Variants in COL23A1 observed in about 807,000 individuals in gnomAD.
The protein encoded by COL23A1 is collagen alpha-1(XXIII) chain.
A neutral mutation model predicts 99.3 loss-of-function variants in COL23A1; 97 were observed. That is an observed-to-expected ratio of 0.98 (90% CI 0.83 to 1.16). The LOEUF is 1.16. COL23A1 is among the 50% of genes most tolerant of loss of function. The pLI is 0.00. For synonymous variants in COL23A1, 320 were observed against 308.2 expected, an observed-to-expected ratio of 1.04 and a Z score of -0.40; for missense variants, 762 against 757.4, an observed-to-expected ratio of 1.01 and a Z score of -0.07.
At chr5:178,497,919 G>C (rs1758278333) in intron 2 of COL23A1, among the ~76,000 whole-genome samples, 1 of 151,832 alleles carries the variant, frequency 6.6e-6, no homozygotes, top group Non-Finnish European at 1.5e-5. Context: ...ATATTTAAAA[G>C]AGAATATATA....
At chr5:178,576,658 GC>G in intron 1 of COL23A1, among the ~76,000 whole-genome samples, 1 of 152,268 alleles carries the variant, frequency 6.6e-6, no homozygotes, top group Non-Finnish European at 1.5e-5. Context: ...GTCGTGGAGG[GC>G]CCCGGGCTGT....
chr5:178,507,964 C>T (rs1260027360), intron 2 of COL23A1, among the ~76,000 whole-genome samples: 3 of 152,152 alleles, frequency 2.0e-5, no homozygotes, highest in African/African-American at 4.8e-5. Flanking sequence ...AATGTTAGAT[C>T]GTCTATGATA....
At chr5:178,326,459 C>A (rs1205130273) in intron 2 of COL23A1, among the ~76,000 whole-genome samples, 2 of 151,714 alleles carry the variant, frequency 1.3e-5, no homozygotes, top group Non-Finnish European at 2.9e-5. Flanking sequence ...GATTCTTACT[C>A]CCAGCCCCAG....
At chr5:178,299,204 T>A (rs1757904280) in intron 3 of COL23A1, among the ~76,000 whole-genome samples, 1 of 152,264 alleles carries the variant, frequency 6.6e-6, no homozygotes, top group Non-Finnish European at 1.5e-5. Context: ...TTCTATTTTT[T>A]AAAGGGTTTG....
chr5:178,442,903 A>C (rs761311953), intron 2 of COL23A1: 4 of 152,274 alleles, frequency 2.6e-5, no homozygotes, highest in Admixed American at 6.5e-5. Context: ...GAGCCACCAA[A>C]GGGTGGCCTC....
At chr5:178,290,975 A>G (rs1430086665) in intron 3 of COL23A1, among the ~76,000 whole-genome samples, 1 of 152,066 alleles carries the variant, frequency 6.6e-6, no homozygotes, top group African/African-American at 2.4e-5. Flanking sequence ...CATGTTGCAT[A>G]CTCGTTATTG....
chr5:178,382,421 G>A (rs1408651966), intron 2 of COL23A1, among the ~76,000 whole-genome samples: 2 of 149,620 alleles, frequency 1.3e-5, no homozygotes, highest in African/African-American at 2.4e-5. Context: ...ACGCCCCTTC[G>A]CCCTCCTCCT....
intron 2 of COL23A1, among the ~76,000 whole-genome samples, chr5:178,403,380 A>G (rs1764577485): frequency 6.6e-6 from 1 of 152,170 alleles, no homozygotes; most frequent in Non-Finnish European, 1.5e-5. Context: ...GCCTCCCTCA[A>G]TATGGCGCTA....
intron 2 of COL23A1, among the ~76,000 whole-genome samples, chr5:178,482,439 G>A (rs1757390679): frequency 6.6e-6 from 1 of 152,158 alleles, no homozygotes; most frequent in African/African-American, 2.4e-5. Context: ...AGTAGAACGG[G>A]GGCGGGGCAA....
At chr5:178,271,144 C>A (rs2127564613) in intron 5 of COL23A1, among the ~76,000 whole-genome samples, 1 of 152,250 alleles carries the variant, frequency 6.6e-6, no homozygotes. Context: ...TGCCAGACAC[C>A]CCTTCCCCTG....
At chr5:178,575,639 C>T (rs956202487) in intron 1 of COL23A1, among the ~76,000 whole-genome samples, 5 of 151,974 alleles carry the variant, frequency 3.3e-5, no homozygotes, top group African/African-American at 9.7e-5. Flanking sequence ...CAAGTCTTCC[C>T]ACAGCAGGTC....
chr5:178,517,850 G>T (rs938655004), intron 2 of COL23A1, among the ~76,000 whole-genome samples: 2,051 of 144,834 alleles, frequency 0.014, 78 homozygotes, highest in African/African-American at 0.051. Context: ...GTGAGCCGCC[G>T]TGCCTGGCCA....
At chr5:178,336,815 G>A (rs912593529) in intron 2 of COL23A1, among the ~76,000 whole-genome samples, 19 of 152,168 alleles carry the variant, frequency 1.2e-4, no homozygotes, top group African/African-American at 4.3e-4. Flanking sequence ...GGACTTAACG[G>A]TGCTTTTAAA....
At chr5:178,440,610 A>C (rs1162786515) in intron 2 of COL23A1, among the ~76,000 whole-genome samples, 1 of 141,464 alleles carries the variant, frequency 7.1e-6, no homozygotes, top group Admixed American at 6.8e-5. Context: ...GACTGTTTTC[A>C]TCTTTCTTTT....
intron 25 of COL23A1, among the ~76,000 whole-genome samples, chr5:178,245,538 CCA>C (rs1764641599): frequency 1.2e-5 from 1 of 80,392 alleles, no homozygotes; most frequent in African/African-American, 7.1e-5. Context: ...CATCCATCAC[CCA>C]TCCATCCATT....
At chr5:178,259,439 C>T (rs929056786) in intron 12 of COL23A1, among the ~76,000 whole-genome samples, 3 of 152,178 alleles carry the variant, frequency 2.0e-5, no homozygotes, top group Non-Finnish European at 4.4e-5. Context: ...TAGTGCCCCC[C>T]AGCCCTGAAG....
At chr5:178,516,939 G>T (rs537858710) in intron 2 of COL23A1, among the ~76,000 whole-genome samples, 2 of 152,238 alleles carry the variant, frequency 1.3e-5, no homozygotes, top group East Asian at 3.9e-4. Flanking sequence ...TGCGCAGAAA[G>T]CTGCAATATC....
At chr5:178,320,350 G>A (rs1759224844) in intron 2 of COL23A1, among the ~76,000 whole-genome samples, 1 of 152,184 alleles carries the variant, frequency 6.6e-6, no homozygotes, top group African/African-American at 2.4e-5. Flanking sequence ...AGAGCCACCT[G>A]AATCGGGAAG....
intron 2 of COL23A1, among the ~76,000 whole-genome samples, chr5:178,344,375 G>A (rs761742215): frequency 6.6e-6 from 1 of 152,140 alleles, no homozygotes; most frequent in Non-Finnish European, 1.5e-5. Flanking sequence ...GGTGGCTCAC[G>A]CCTGTAATCC....
Sources: allele counts gnomAD v4.1 joint callset (sites outside exome capture counted in the v4.1 genomes callset), GRCh38; gene constraint gnomAD v4.1.1; transcripts MANE v1.5; gene names NCBI Gene and HGNC (gene_info 2026-07-23, HGNC 2026-07-21).